PARD3B: variants seen among roughly 807,000 people sequenced by gnomAD.
The protein encoded by PARD3B is par-3 family cell polarity regulator beta.
In PARD3B, 103 loss-of-function variants were observed where a neutral mutation model predicts 130.2. That is an observed-to-expected ratio of 0.79 (90% confidence interval 0.67 to 0.93). PARD3B has a LOEUF of 0.93. Ranked by LOEUF, PARD3B falls within the 40% of genes least tolerant of loss-of-function variation. PARD3B has a pLI of 0.00. For missense variants in PARD3B, 1,609 were observed against 1,499.2 expected (o/e 1.07, Z -1.21); for synonymous variants, 583 against 553.2 (o/e 1.05, Z -0.76).
At chr2:204,716,532 C>T (rs987890441) in intron 2 of PARD3B, among the ~76,000 whole-genome samples, 5 of 150,606 alleles carry the variant, frequency 3.3e-5, no homozygotes, top group Non-Finnish European at 7.4e-5. Context: ...TTGGGGAAGA[C>T]AGTGGAAATG....
rs1462693595 is a variant in PARD3B at position 205,187,514 on chromosome 2, A to C, written c.2024+1651A>C. Among the ~76,000 whole-genome samples, 3 of 152,130 alleles carry C rather than the reference A, an allele frequency of 2.0e-5. No individual in the cohort carries two copies. The highest frequency in any genetic ancestry group is 2.9e-5 in the Non-Finnish European group (2 of 68,030). ...GACTCTTTGGATACCTTTTAGGGCA[A>C]CTGCAGTCAGAGGTACTGAGCATCT... is the stretch of plus-strand genomic sequence containing the variant. On this transcript the variant is annotated intron_variant, in intron 14 of 22. Transcript: ENST00000406610. This position sits in a 1 kb window ranked among gnomAD's most constrained non-coding sequence, Gnocchi z 4.9.
At position 205,125,112 on chromosome 2, in the gene PARD3B, C is replaced by T. The variant is rs2031225521; in HGVS notation, c.1306-497C>T. Among the ~76,000 whole-genome samples the T allele has an allele frequency of 6.6e-6, 1 of 152,186 alleles. No individual in the cohort carries two copies. Among genetic ancestry groups the T allele is most frequent in the South Asian group, 2.1e-4 (1 of 4,834 alleles). Reference sequence around the variant, plus strand: ...TTGTTCTAGATCATGAAAGAAGATGCACCAAATGACTACTGTAGCTCCAAA... The same window carrying T: ...TTGTTCTAGATCATGAAAGAAGATGTACCAAATGACTACTGTAGCTCCAAA... On this transcript the variant is annotated intron_variant, in intron 9 of 22. Coordinates refer to ENST00000406610, the MANE Select transcript of PARD3B (RefSeq NM_001302769.2). This position sits in a 1 kb window ranked among gnomAD's most constrained non-coding sequence, Gnocchi z 4.0.
At chr2:205,442,083 A>G (rs910860938) in intron 20 of PARD3B, among the ~76,000 whole-genome samples, 5 of 152,116 alleles carry the variant, frequency 3.3e-5, no homozygotes, top group African/African-American at 1.2e-4. Flanking sequence ...CCTAAATTAG[A>G]TAGGTCTTCA....
At chr2:205,542,263 G>A (rs139413925) in intron 21 of PARD3B, among the ~76,000 whole-genome samples, 13 of 151,378 alleles carry the variant, frequency 8.6e-5, no homozygotes, top group African/African-American at 3.2e-4. Flanking sequence ...GGAAAGTTAG[G>A]TTGCTATGGG....
intron 4 of PARD3B, among the ~76,000 whole-genome samples, chr2:205,084,429 T>G (rs1206420367): frequency 6.6e-6 from 1 of 152,084 alleles, no homozygotes; most frequent in Non-Finnish European, 1.5e-5. Context: ...TTGAATCCCT[T>G]TGTAAGGAAC....
intron 1 of PARD3B, among the ~76,000 whole-genome samples, chr2:204,590,336 A>G (rs114971323): frequency 4.9e-4 from 75 of 152,286 alleles, no homozygotes; most frequent in African/African-American, 1.7e-3. Flanking sequence ...CCCATTTGGG[A>G]TTTGATTTCA....
Position 204,611,572 on chromosome 2 carries a change from T to C in PARD3B, c.120+65453T>C, listed in dbSNP as rs530952282. 3.3e-5 allele frequency among the ~76,000 whole-genome samples: 5 copies of C among 152,296 alleles called. No individual in the cohort carries two copies. In the East Asian group the frequency reaches 9.7e-4, roughly 29 times the overall value. On this transcript the variant is annotated intron_variant, in intron 1 of 22. Coordinates refer to ENST00000406610, the MANE Select transcript of PARD3B (RefSeq NM_001302769.2). Reference sequence around the variant, plus strand: ...AAAGTTATACGACCTCTCCTGTTCTTCCTCATCTCCTTTATAAGGTTTATA... The same window carrying C: ...AAAGTTATACGACCTCTCCTGTTCTCCCTCATCTCCTTTATAAGGTTTATA...
intron 15 of PARD3B, among the ~76,000 whole-genome samples, chr2:205,239,835 G>T (rs754875127): frequency 2.0e-5 from 3 of 152,144 alleles, no homozygotes; most frequent in Non-Finnish European, 2.9e-5. Context: ...CATTCGAGAT[G>T]GAACACAGTG....
chr2:204,650,449 A>G (rs1212892279), intron 1 of PARD3B, among the ~76,000 whole-genome samples: 2 of 152,136 alleles, frequency 1.3e-5, no homozygotes, highest in African/African-American at 4.8e-5. Context: ...CATGCATGCA[A>G]ATGTTCATTG....
At chr2:204,694,718 A>G (rs1234283129) in intron 2 of PARD3B, among the ~76,000 whole-genome samples, 1 of 152,078 alleles carries the variant, frequency 6.6e-6, no homozygotes, top group African/African-American at 2.4e-5. Context: ...CTTAAACTAC[A>G]GTAATCTTGA....
intron 8 of PARD3B, among the ~76,000 whole-genome samples, chr2:205,123,949 C>T (rs1218845494): frequency 1.3e-5 from 2 of 152,136 alleles, no homozygotes; most frequent in Non-Finnish European, 2.9e-5. Flanking sequence ...ATAGGTTGTC[C>T]AGCTCATGTA....
rs2043508662 is a variant in PARD3B at position 205,341,079 on chromosome 2, AAAAAAAT to A, written c.2630+39392_2630+39398del. ...TATCCGAGTTTGAATGGCTATGATC[AAAAAAAT>A]AAAAAATAAAAAAATAAAAAATGCT... On this transcript the variant is annotated intron_variant, in intron 18 of 22. Transcript: ENST00000406610. This position sits in a 1 kb window ranked among gnomAD's most constrained non-coding sequence, Gnocchi z 4.3. 6.6e-6 allele frequency among the ~76,000 whole-genome samples: 1 copy of A among 152,072 alleles called. No individual in the cohort carries two copies. Among genetic ancestry groups the A allele is most frequent in the Admixed American group, 6.6e-5 (1 of 15,252 alleles).
intron 4 of PARD3B, among the ~76,000 whole-genome samples, chr2:205,074,842 A>G (rs1017846872): frequency 6.6e-6 from 1 of 152,184 alleles, no homozygotes; most frequent in African/African-American, 2.4e-5. Context: ...ACAATCTTCC[A>G]AGACTCCATA....
chr2:204,746,870 G>A (rs1033596966), intron 2 of PARD3B, among the ~76,000 whole-genome samples: 1 of 152,110 alleles, frequency 6.6e-6, no homozygotes, highest in Non-Finnish European at 1.5e-5. Context: ...GTAGATTCTG[G>A]ATATTAGCCC....
At chr2:205,466,996 A>C (rs2048649059) in intron 20 of PARD3B, among the ~76,000 whole-genome samples, 1 of 152,258 alleles carries the variant, frequency 6.6e-6, no homozygotes, top group Admixed American at 6.5e-5. Context: ...CACAGGCGTG[A>C]GCCACAACGC....
chr2:205,372,928 T>C (rs2044881546), intron 18 of PARD3B, among the ~76,000 whole-genome samples: 1 of 152,142 alleles, frequency 6.6e-6, no homozygotes, highest in Admixed American at 6.5e-5. Flanking sequence ...GCAGTGAGCT[T>C]TCATTGCACC....
intron 2 of PARD3B, among the ~76,000 whole-genome samples, chr2:204,718,186 G>A (rs988918308): frequency 3.9e-5 from 6 of 152,042 alleles, no homozygotes; most frequent in Non-Finnish European, 5.9e-5. Flanking sequence ...TTGGTCGTGG[G>A]GGATGGGAGG....
At chr2:205,237,612 A>C (rs1157793844) in intron 15 of PARD3B, among the ~76,000 whole-genome samples, 2 of 152,154 alleles carry the variant, frequency 1.3e-5, no homozygotes, top group Non-Finnish European at 2.9e-5. Context: ...TTTTAGAAAT[A>C]TAGTGTGATT....
chr2:204,737,749 G>A (rs1480388866), intron 2 of PARD3B, among the ~76,000 whole-genome samples: 1 of 152,072 alleles, frequency 6.6e-6, no homozygotes. Context: ...GTTGATTTTT[G>A]TATGAAGTGA....
Sources: gnomAD v4.1 joint callset for allele counts (sites outside exome capture counted in the v4.1 genomes callset) on GRCh38, gnomAD v4.1.1 for gene constraint, Gnocchi (gnomAD v3.1) non-coding constraint, MANE v1.5 for transcripts, NCBI Gene and HGNC (gene_info 2026-07-23, HGNC 2026-07-21) for gene names.